Variants in GCKR observed in about 807,000 individuals in gnomAD.
GCKR encodes the protein glucokinase regulatory protein.
Under a neutral mutation model 82.9 loss-of-function variants are expected in GCKR, and 73 were observed. The observed-to-expected ratio is 0.88, with a 90% confidence interval of 0.73 to 1.07. The LOEUF (loss-of-function observed/expected upper bound fraction) is 1.07. GCKR is among the 50% of genes least tolerant of loss of function. The pLI is 0.00. For missense variants in GCKR, 784 were observed against 782.1 expected, an observed-to-expected ratio of 1.00 and a Z score of -0.03; for synonymous variants, 294 against 291.8, an observed-to-expected ratio of 1.01 and a Z score of -0.08.
At position 27,523,661 on chromosome 2, in the gene GCKR, A is replaced by G; in HGVS notation, c.*222A>G. On this transcript the variant is annotated 3_prime_UTR_variant, in exon 19 of 19. Coordinates refer to ENST00000264717, the MANE Select transcript of GCKR (RefSeq NM_001486.4). ...CCGACTTATTCTGATTTCAGAAATA[A>G]AATGAAATGTCTTATTTTGGAAAGT... 1.7e-6 allele frequency: 1 copy of G among 572,108 alleles called. No homozygotes were observed. The highest frequency in any genetic ancestry group is 3.1e-6 in the Non-Finnish European group (1 of 319,166). The allele number at this position is 572,108 out of a possible 1,614,324, so 35.4% of individuals were successfully genotyped here.
At chr2:27,506,999 C>T (rs1572865832) in intron 12 of GCKR, 114 bp downstream of exon 12, 1 of 810,228 alleles carries the variant, frequency 1.2e-6, no homozygotes, top group East Asian at 2.4e-5. Flanking sequence ...GTCCCACCTT[C>T]CCTATCTAAA....
Position 27,499,216 on chromosome 2 carries a change from CT to C in GCKR, c.495+12del. 6.3e-7 allele frequency: 1 copy of C among 1,594,458 alleles called. No individual in the cohort carries two copies. Among genetic ancestry groups the C allele is most frequent in the South Asian group, 1.1e-5 (1 of 90,654 alleles). ...ATTGAGGAACTGAAGAAGGTCTGTG[CT>C]TTTCACTGACATTGACCAGAGACCT... On this transcript the variant is annotated intron_variant, in intron 6 of 18. Coordinates refer to ENST00000264717, the MANE Select transcript of GCKR (RefSeq NM_001486.4).
In GCKR at chr2:27,505,733, G is replaced by A. The variant is rs8179212; in HGVS notation, c.766G>A (p.Gly256Ser). 189 of 1,605,466 alleles carry A rather than the reference G, an allele frequency of 1.2e-4. No individual in the cohort carries two copies. The highest frequency in any genetic ancestry group is 5.0e-4 in the Admixed American group (30 of 59,990). The change falls in exon 10 of 19, where the codon GGC (glycine) becomes AGC (serine). Residue 256 changes from glycine to serine, a missense_variant. Coordinates refer to ENST00000264717, the MANE Select transcript of GCKR (RefSeq NM_001486.4). Reference sequence around the variant, plus strand: ...ACCTCTTCAGCCCGAGGGTCTCAGCGGCTCCTCCCGGATGAAAGGTGGAAG... The same window carrying A: ...ACCTCTTCAGCCCGAGGGTCTCAGCAGCTCCTCCCGGATGAAAGGTGGAAG... ...NPAIGPEGLS[G>S]SSRMKGGSAT...
In GCKR at chr2:27,503,629, C is replaced by T. The variant is rs773738870; in HGVS notation, c.750+10C>T. On this transcript the variant is annotated intron_variant, in intron 9 of 18. Coordinates refer to ENST00000264717, the MANE Select transcript of GCKR (RefSeq NM_001486.4). ...CAATCCTGCCATCGGGGTAGGGCCTCTCCTTTTTCTATGTTCTCCACCCCT... is the reference window on the plus strand; with the variant it reads ...CAATCCTGCCATCGGGGTAGGGCCTTTCCTTTTTCTATGTTCTCCACCCCT... 2.8e-6 allele frequency: 4 copies of T among 1,453,386 alleles called. No individual in the cohort carries two copies. The highest frequency in any genetic ancestry group is 2.9e-6 in the Non-Finnish European group (3 of 1,033,386). 90.0% of individuals were successfully genotyped at this position (1,453,386 alleles called of 1,614,324 possible).
At chr2:27,505,662 G>T (rs1267434705) in intron 9 of GCKR, 56 bp from the exon 10 acceptor site, 5 of 902,368 alleles carry the variant, frequency 5.5e-6, no homozygotes, top group Non-Finnish European at 9.4e-6. Context: ...ACTAACAAGT[G>T]GTCTACGGGG....
At chr2:27,510,757 T>G (rs1283335925) in intron 16 of GCKR, among the ~76,000 whole-genome samples, 3 of 151,824 alleles carry the variant, frequency 2.0e-5, no homozygotes, top group Non-Finnish European at 4.4e-5. Context: ...ATTTGATACT[T>G]TTTTTTTGTC....
intron 13 of GCKR, 83 bp from the exon 14 acceptor site, chr2:27,507,598 T>C: frequency 1.2e-6 from 1 of 805,320 alleles, no homozygotes; most frequent in South Asian, 1.3e-5. Flanking sequence ...GTGTTAGATC[T>C]CCTCCACGGC....
At chr2:27,511,431 T>C (rs1253815516) in intron 16 of GCKR, among the ~76,000 whole-genome samples, 1 of 151,692 alleles carries the variant, frequency 6.6e-6, no homozygotes, top group Non-Finnish European at 1.5e-5. Flanking sequence ...ACGCCGTGGC[T>C]CACGCCTGTA....
At chr2:27,522,631 T>C (rs1670179621) in intron 18 of GCKR, 37 bp downstream of exon 18, 3 of 1,563,148 alleles carry the variant, frequency 1.9e-6, no homozygotes, top group South Asian at 1.1e-5. Context: ...ACAAATACTT[T>C]TTGAGTACTT....
At chr2:27,506,977 G>C in intron 12 of GCKR, 92 bp downstream of exon 12, 1 of 856,680 alleles carries the variant, frequency 1.2e-6, no homozygotes, top group Non-Finnish European at 2.0e-6. Context: ...CAACCCATGG[G>C]TGTTCCTCAG....
intron 9 of GCKR, among the ~76,000 whole-genome samples, chr2:27,505,505 C>T (rs953279815): frequency 5.3e-5 from 8 of 152,032 alleles, no homozygotes; most frequent in African/African-American, 1.9e-4. Flanking sequence ...CTGACTTCCT[C>T]TCCAGAAAGT....
At position 27,499,085 on chromosome 2, in the gene GCKR, A is replaced by G. The variant is rs1669502367; in HGVS notation, c.429-57A>G. The G allele has an allele frequency of 4.0e-6, 4 of 1,012,018 alleles. No homozygotes were observed. In the East Asian group the frequency reaches 9.5e-5, roughly 24 times the overall value. 62.7% of individuals were successfully genotyped at this position (1,012,018 alleles called of 1,614,324 possible). A position where few individuals can be genotyped will look rare whatever the true frequency, so the allele number is the denominator to read the frequency against. On this transcript the variant is annotated intron_variant, in intron 5 of 18. Transcript: ENST00000264717. ...ATCTCTTAATGTAGCCTGCCCTAATACGCCATAGGCTTCTGCTTTCCAGCC... is the reference window on the plus strand; with the variant it reads ...ATCTCTTAATGTAGCCTGCCCTAATGCGCCATAGGCTTCTGCTTTCCAGCC...
rs115218573 is a variant in GCKR, at chr2:27,506,409, C to T, written c.870-72C>T. ...TAAGGGAGCTGTGCCTTCACCTCCCCGCTCAGGGAGGCACCTAAGCTTTCT... is the reference window on the plus strand; with the variant it reads ...TAAGGGAGCTGTGCCTTCACCTCCCTGCTCAGGGAGGCACCTAAGCTTTCT... On this transcript the variant is annotated intron_variant, in intron 10 of 18. Coordinates refer to ENST00000264717, the MANE Select transcript of GCKR (RefSeq NM_001486.4). 3.0e-3 allele frequency: 2,932 copies of T among 991,816 alleles called. 75 individuals carry two copies. The South Asian group carries it at 0.033, about 11-fold the overall frequency. 61.4% of individuals were successfully genotyped at this position (991,816 alleles called of 1,614,324 possible).
chr2:27,513,556 C>A (rs992008965), intron 16 of GCKR, among the ~76,000 whole-genome samples: 4 of 150,118 alleles, frequency 2.7e-5, no homozygotes, highest in Non-Finnish European at 5.9e-5. Flanking sequence ...GAAAGAAAAT[C>A]TTTTTCTTCT....
rs542618709 is a variant in GCKR, at chr2:27,507,131, A to G, written c.1067-104A>G. ...AGGGCTACTCCTCACTCTACGCCCC[A>G]CTTGCCACTTTTCCTCCCAGTCCCA... On this transcript the variant is annotated intron_variant, in intron 12 of 18. Transcript: ENST00000264717. 636 of 861,250 alleles carry G rather than the reference A, an allele frequency of 7.4e-4. 10 individuals carry two copies. The South Asian group carries it at 8.0e-3, about 11-fold the overall frequency. 53.4% of individuals were successfully genotyped at this position (861,250 alleles called of 1,614,324 possible).
Position 27,507,788 on chromosome 2 carries a change from AG to A in GCKR, c.1240+12del. ...TTTTCACCCTGGATGGTGAGAGGGA[AG>A]ATGGGAGTGGTGAGGGGTGGGGAGG... On this transcript the variant is annotated intron_variant, in intron 14 of 18. Transcript: ENST00000264717. The A allele has an allele frequency of 6.8e-7, 1 of 1,478,858 alleles. No homozygotes were observed. Among genetic ancestry groups the A allele is most frequent in the Non-Finnish European group, 9.5e-7 (1 of 1,056,522 alleles). The allele number at this position is 1,478,858 out of a possible 1,614,324, so 91.6% of individuals were successfully genotyped here.
chr2:27,504,481 C>T (rs1053864703), intron 9 of GCKR, among the ~76,000 whole-genome samples: 11 of 151,900 alleles, frequency 7.2e-5, no homozygotes, highest in South Asian at 6.2e-4. Flanking sequence ...CCTCAGTCTG[C>T]GGAGTAGCTG....
intron 8 of GCKR, 50 bp downstream of exon 8, chr2:27,501,279 C>T (rs1464400913): frequency 8.6e-7 from 1 of 1,160,024 alleles, no homozygotes; most frequent in Admixed American, 1.7e-5. Flanking sequence ...TGGAGGGGAA[C>T]ATGTCAAAGT....
At chr2:27,523,234 C>A (rs372806461) in intron 18 of GCKR, 35 bp from the exon 19 acceptor site, 1 of 1,593,788 alleles carries the variant, frequency 6.3e-7, no homozygotes, top group Non-Finnish European at 8.6e-7. Flanking sequence ...ACCTCATTCC[C>A]TCAGGCTTCA....
Sources: allele counts gnomAD v4.1 joint callset (sites outside exome capture counted in the v4.1 genomes callset), GRCh38; gene constraint gnomAD v4.1.1; transcripts MANE v1.5; gene names NCBI Gene and HGNC (gene_info 2026-07-23, HGNC 2026-07-21).